Variants in RGL1 observed in about 807,000 individuals in gnomAD.
RGL1 encodes ral guanine nucleotide dissociation stimulator-like 1.
RGL1 carries 24 observed loss-of-function variants against 95.2 expected under a neutral mutation model. That is an observed-to-expected ratio of 0.25 (90% CI 0.18 to 0.35). The LOEUF is 0.35. Ranked by LOEUF, RGL1 falls within the 10% of genes least tolerant of loss-of-function variation. The probability of loss-of-function intolerance (pLI) is 1.00; values close to 1 mark genes in which losing one functional copy is unlikely to be tolerated. For missense variants in RGL1, 715 were observed against 936.3 expected, an observed-to-expected ratio of 0.76 and a Z score of 3.08; for synonymous variants, 329 against 344.9, an observed-to-expected ratio of 0.95 and a Z score of 0.51.
intron 1 of RGL1, among the ~76,000 whole-genome samples, chr1:183,667,484 C>T (rs150537822): frequency 0.013 from 1,971 of 151,986 alleles, 52 homozygotes; most frequent in African/African-American, 0.046. Context: ...GCCACCATGC[C>T]TGGCTAATTT....
rs1471543243 is a variant in RGL1 at position 183,680,516 on chromosome 1, G to A, written c.-33+44015G>A. Among the ~76,000 whole-genome samples, 5 of 151,884 alleles carry A rather than the reference G, an allele frequency of 3.3e-5. No individual in the cohort carries two copies. In the South Asian group the frequency reaches 8.3e-4, roughly 25 times the overall value. ...GTGTGGCGTTATTTCTGAGGCCTCT[G>A]TTCTGTTCCATTGGTCTATATATCT... is the stretch of plus-strand genomic sequence containing the variant. On this transcript the variant is annotated intron_variant, in intron 1 of 18. Transcript: ENST00000304685.
chr1:183,916,780 G>C (rs1169313754), intron 16 of RGL1, 79 bp downstream of exon 16: 1 of 1,492,962 alleles, frequency 6.7e-7, no homozygotes, highest in Non-Finnish European at 9.0e-7. Flanking sequence ...CAGACTAATA[G>C]CCCTAAATAT....
At chr1:183,661,306 G>A (rs1411124686) in intron 1 of RGL1, among the ~76,000 whole-genome samples, 4 of 152,106 alleles carry the variant, frequency 2.6e-5, no homozygotes, top group South Asian at 2.1e-4. Flanking sequence ...TTGATAGACC[G>A]CTAGCAAGAC....
At chr1:183,741,123 A>T (rs1196929492) in intron 1 of RGL1, among the ~76,000 whole-genome samples, 1 of 152,182 alleles carries the variant, frequency 6.6e-6, no homozygotes, top group Non-Finnish European at 1.5e-5. Context: ...GTGGCTGAGG[A>T]GGCAGCAGTG....
chr1:183,749,464 G>A (rs902233189), intron 2 of RGL1, among the ~76,000 whole-genome samples: 1 of 152,004 alleles, frequency 6.6e-6, no homozygotes, highest in African/African-American at 2.4e-5. Context: ...CTTTACATGT[G>A]AGATGGGTCT....
chr1:183,720,861 T>G (rs1284472381), intron 1 of RGL1, among the ~76,000 whole-genome samples: 1 of 152,186 alleles, frequency 6.6e-6, no homozygotes, highest in Non-Finnish European at 1.5e-5. Context: ...AGAAAAGGAC[T>G]TGGTAATTGA....
At chr1:183,648,328 T>C (rs1650464612) in intron 1 of RGL1, 1 of 1,614,054 alleles carries the variant, frequency 6.2e-7, no homozygotes, top group African/African-American at 1.3e-5. Flanking sequence ...GAAAAATAAA[T>C]ACTAAGAGTG....
intron 2 of RGL1, among the ~76,000 whole-genome samples, chr1:183,834,292 C>G (rs4381148): frequency 0.55 from 83,707 of 151,928 alleles, 23,143 homozygotes; most frequent in African/African-American, 0.59. Context: ...TAGCTCACTA[C>G]CGAGATAGCT....
intron 2 of RGL1, among the ~76,000 whole-genome samples, chr1:183,762,015 G>C (rs188876647): frequency 1.3e-5 from 2 of 152,324 alleles, no homozygotes; most frequent in African/African-American, 4.8e-5. Flanking sequence ...CTCTGGATTA[G>C]GCCTTGTTAA....
chr1:183,780,610 T>A (rs1007297679), intron 2 of RGL1, among the ~76,000 whole-genome samples: 1 of 152,220 alleles, frequency 6.6e-6, no homozygotes, highest in Non-Finnish European at 1.5e-5. Flanking sequence ...GTTAAAGTCA[T>A]GCTTATTTTA....
upstream of RGL1, among the ~76,000 whole-genome samples, chr1:183,801,178 T>TGTGTGTGTGTGTG (rs59988701): frequency 6.6e-6 from 1 of 151,130 alleles, no homozygotes; most frequent in African/African-American, 2.4e-5. Flanking sequence ...TGTGTGTGTG[T>TGTGTGTGTGTGTG]TTAATAATGG....
At chr1:183,921,195 C>T (rs781082807) in intron 16 of RGL1, among the ~76,000 whole-genome samples, 21 of 152,222 alleles carry the variant, frequency 1.4e-4, no homozygotes, top group South Asian at 1.2e-3. Flanking sequence ...GAATTGGGGA[C>T]GAGGGAAACC....
intron 4 of RGL1, among the ~76,000 whole-genome samples, chr1:183,876,850 A>G (rs563498602): frequency 2.4e-4 from 37 of 152,294 alleles, no homozygotes; most frequent in Admixed American, 5.2e-4. Context: ...CTTTGAGTCA[A>G]TTCCTGTGAG....
Position 183,904,962 on chromosome 1 carries a change from A to G in RGL1, c.1463A>G (p.Glu488Gly), listed in dbSNP as rs755921123. The change falls in exon 13 of 18, where the codon GAG becomes GGG. Residue 488 changes from glutamate to glycine, a missense_variant. Glu to Gly is a moderately conservative substitution (Grantham distance 98). Coordinates refer to ENST00000360851, the MANE Select transcript of RGL1 (RefSeq NM_001297671.3). ...QWFQRQQLLT[E>G]EESYALSCEI... ...TTCCAGAGGCAGCAGCTCCTGACAG[A>G]GGAGGAGAGGTGGGATCACCTGTCG... is the stretch of plus-strand genomic sequence containing the variant. The G allele has an allele frequency of 1.2e-6, 2 of 1,612,428 alleles. No individual in the cohort carries two copies. Among genetic ancestry groups the G allele is most frequent in the East Asian group, 2.2e-5 (1 of 44,846 alleles).
intron 1 of RGL1, among the ~76,000 whole-genome samples, chr1:183,695,074 G>A (rs1654175236): frequency 6.6e-6 from 1 of 152,216 alleles, no homozygotes; most frequent in African/African-American, 2.4e-5. Context: ...GTGGAAAAGA[G>A]CTGAAGCCAT....
chr1:183,846,739 G>T (rs1335844977), intron 2 of RGL1, among the ~76,000 whole-genome samples: 1 of 152,084 alleles, frequency 6.6e-6, no homozygotes, highest in Non-Finnish European at 1.5e-5. Context: ...AATTAGTCGG[G>T]TGTGGTGATG....
At chr1:183,739,396 T>A (rs1295971450) in intron 1 of RGL1, among the ~76,000 whole-genome samples, 2 of 152,178 alleles carry the variant, frequency 1.3e-5, no homozygotes, top group Non-Finnish European at 2.9e-5. Flanking sequence ...TCTGAACTGA[T>A]CTAGGAGAGA....
intron 1 of RGL1, among the ~76,000 whole-genome samples, chr1:183,722,635 G>A (rs1656076235): frequency 6.6e-6 from 1 of 152,106 alleles, no homozygotes; most frequent in South Asian, 2.1e-4. Context: ...TTACAACAGA[G>A]TTTTCGGAAA....
At chr1:183,790,409 A>C (rs1430151324) in intron 2 of RGL1, among the ~76,000 whole-genome samples, 1 of 152,206 alleles carries the variant, frequency 6.6e-6, no homozygotes, top group African/African-American at 2.4e-5. Flanking sequence ...TGGACCATGT[A>C]AGGCAGCTTG....
Sources: gnomAD v4.1 joint callset for allele counts (sites outside exome capture counted in the v4.1 genomes callset) on GRCh38, gnomAD v4.1.1 for gene constraint, MANE v1.5 for transcripts, NCBI Gene and HGNC (gene_info 2026-07-23, HGNC 2026-07-21) for gene names.